COBL: variants seen among roughly 807,000 people sequenced by gnomAD.
COBL encodes cordon-bleu WH2 repeat protein, also known as protein cordon-bleu.
In COBL, 51 loss-of-function variants were observed where a neutral mutation model predicts 98.8. That is an observed-to-expected ratio of 0.52 (90% CI 0.41 to 0.65). The LOEUF (loss-of-function observed/expected upper bound fraction) is 0.65. Ranked by LOEUF, COBL falls within the 30% of genes least tolerant of loss-of-function variation. The pLI is 0.00. For missense variants in COBL, 1,617 were observed against 1,617.5 expected (o/e 1.00, Z 0.01); for synonymous variants, 634 against 651.7 (o/e 0.97, Z 0.41).
At chr7:51,260,214 G>A (rs577963898) in intron 1 of COBL, 3 of 666,930 alleles carry the variant, frequency 4.5e-6, no homozygotes, top group East Asian at 5.0e-5. Context: ...TACCACATGG[G>A]GAAGATGGCA....
intron 8 of COBL, 143 bp downstream of exon 8, chr7:51,043,233 GCCTGAGA>G (rs1428314097): frequency 1.5e-6 from 1 of 650,812 alleles, no homozygotes; most frequent in East Asian, 2.7e-5. Flanking sequence ...ACAGAGACAT[GCCTGAGA>G]GCAGCTGCTG....
At chr7:51,085,099 T>G in intron 7 of COBL, 67 bp downstream of exon 7, 1 of 1,609,458 alleles carries the variant, frequency 6.2e-7, no homozygotes, top group Non-Finnish European at 8.5e-7. Context: ...GGAGTTCACA[T>G]CAGAGCTGAC....
At chr7:51,084,159 C>T (rs1008557638) in intron 7 of COBL, among the ~76,000 whole-genome samples, 10 of 152,218 alleles carry the variant, frequency 6.6e-5, no homozygotes, top group Non-Finnish European at 1.0e-4. Flanking sequence ...ACATTAAAAG[C>T]GAGGAACTGA....
chr7:51,056,561 T>A (rs775794978), intron 7 of COBL, among the ~76,000 whole-genome samples: 4 of 152,148 alleles, frequency 2.6e-5, no homozygotes, highest in Non-Finnish European at 4.4e-5. Flanking sequence ...GTTATTTGTA[T>A]CAATTGCCTG....
intron 5 of COBL, among the ~76,000 whole-genome samples, chr7:51,170,386 A>G (rs1787734937): frequency 1.3e-5 from 2 of 151,556 alleles, no homozygotes; most frequent in South Asian, 4.1e-4. Context: ...GCTAAAACCT[A>G]TTTTTAAAAC....
At chr7:51,048,775 C>T (rs1350812500) in intron 7 of COBL, among the ~76,000 whole-genome samples, 3 of 152,224 alleles carry the variant, frequency 2.0e-5, no homozygotes, top group South Asian at 2.1e-4. Flanking sequence ...AAACAGCCAA[C>T]CAAAATTACA....
chr7:51,297,471 A>T (rs140809648), intron 1 of COBL, among the ~76,000 whole-genome samples: 1 of 145,270 alleles, frequency 6.9e-6, no homozygotes, highest in African/African-American at 2.6e-5. Flanking sequence ...AGCTCACTGC[A>T]ACCTCCGTCT....
intron 7 of COBL, among the ~76,000 whole-genome samples, chr7:51,081,621 C>A (rs1377394887): frequency 6.6e-6 from 1 of 152,204 alleles, no homozygotes; most frequent in Admixed American, 6.5e-5. Flanking sequence ...CAGGAGAAAG[C>A]GAGGGTCTGC....
chr7:51,106,401 G>A (rs1796273147), intron 6 of COBL, among the ~76,000 whole-genome samples: 1 of 152,158 alleles, frequency 6.6e-6, no homozygotes, highest in Non-Finnish European at 1.5e-5. Flanking sequence ...GCTGGAAGCA[G>A]TATCCCGGCT....
intron 5 of COBL, among the ~76,000 whole-genome samples, chr7:51,164,450 G>A (rs1193717906): frequency 1.3e-5 from 2 of 152,120 alleles, no homozygotes; most frequent in African/African-American, 2.4e-5. Context: ...TACAGGCCAG[G>A]AGAGAGTGAC....
At chr7:51,217,399 TG>T (rs1256110422) in intron 2 of COBL, among the ~76,000 whole-genome samples, 8 of 148,298 alleles carry the variant, frequency 5.4e-5, no homozygotes, top group Non-Finnish European at 1.0e-4. Flanking sequence ...TGTAATGCAA[TG>T]GCGTGATCTC....
intron 6 of COBL, among the ~76,000 whole-genome samples, chr7:51,104,386 C>T (rs78156847): frequency 0.058 from 8,840 of 152,210 alleles, 333 homozygotes; most frequent in Middle Eastern, 0.17. Context: ...GAGAGCACAG[C>T]GTGGTGGCCC....
At chr7:51,285,987 G>A (rs968738568) in intron 1 of COBL, among the ~76,000 whole-genome samples, 4 of 152,046 alleles carry the variant, frequency 2.6e-5, no homozygotes, top group East Asian at 1.9e-4. Flanking sequence ...TTAAATAGAC[G>A]AAAGACAGTC....
intron 6 of COBL, among the ~76,000 whole-genome samples, chr7:51,116,189 T>A (rs1797257456): frequency 6.6e-6 from 1 of 152,158 alleles, no homozygotes; most frequent in African/African-American, 2.4e-5. Flanking sequence ...ACATTTAATG[T>A]AATTATTGAT....
chr7:51,213,243 G>T (rs1182223207), intron 2 of COBL, among the ~76,000 whole-genome samples: 2 of 152,138 alleles, frequency 1.3e-5, no homozygotes, highest in Non-Finnish European at 2.9e-5. Flanking sequence ...CACAGACGAG[G>T]ACCAGTCAAC....
At chr7:51,155,589 CAAAAAAAAAAAAAAAA>C (rs58500324) in intron 5 of COBL, among the ~76,000 whole-genome samples, 245 of 30,818 alleles carry the variant, frequency 7.9e-3, no homozygotes, top group Middle Eastern at 0.071. Flanking sequence ...GACTCCATCT[CAAAAAAAAAAAAAAAA>C]AAAAAAAAAA....
chr7:51,092,540 T>C (rs1794908752), intron 6 of COBL, among the ~76,000 whole-genome samples: 1 of 152,210 alleles, frequency 6.6e-6, no homozygotes, highest in Non-Finnish European at 1.5e-5. Flanking sequence ...AAGAGACTGT[T>C]CTTTCCCCAT....
intron 1 of COBL, among the ~76,000 whole-genome samples, chr7:51,305,643 A>G (rs1466474971): frequency 6.6e-6 from 1 of 152,224 alleles, no homozygotes; most frequent in East Asian, 1.9e-4. Flanking sequence ...ATTGAGGGAC[A>G]TTCTGCTTGC....
At chr7:51,184,003 G>C (rs556333007) in intron 5 of COBL, 99 bp downstream of exon 5, 23 of 562,810 alleles carry the variant, frequency 4.1e-5, no homozygotes, top group Non-Finnish European at 3.7e-5. Context: ...TTCTTAAATA[G>C]AATTGTTTAG....
Sources: gnomAD v4.1 joint callset for allele counts (sites outside exome capture counted in the v4.1 genomes callset) on GRCh38, gnomAD v4.1.1 for gene constraint, MANE v1.5 for transcripts, NCBI Gene and HGNC (gene_info 2026-07-23, HGNC 2026-07-21) for gene names.